Variants in ELF1 observed in about 807,000 individuals in gnomAD.
ELF1 encodes ETS-related transcription factor Elf-1.
In ELF1, 24 loss-of-function variants were observed where a neutral mutation model predicts 59.9. That is an observed-to-expected ratio of 0.40 (90% CI 0.29 to 0.56). ELF1 has a LOEUF of 0.56. Among genes scored for constraint, ELF1 ranks in the 20% least tolerant of loss-of-function variants. The pLI is 0.44. For synonymous variants in ELF1, 248 were observed against 266.2 expected (o/e 0.93, Z 0.67); for missense variants, 627 against 742.2 (o/e 0.84, Z 1.80).
At chr13:40,981,036 T>C (rs1341150660) in intron 2 of ELF1, among the ~76,000 whole-genome samples, 2 of 152,178 alleles carry the variant, frequency 1.3e-5, no homozygotes, top group African/African-American at 4.8e-5. Context: ...ATAAAAATCA[T>C]TAAATTCACT....
At chr13:41,016,269 G>C (rs1875355295) in intron 1 of ELF1, among the ~76,000 whole-genome samples, 1 of 152,138 alleles carries the variant, frequency 6.6e-6, no homozygotes, top group Non-Finnish European at 1.5e-5. Flanking sequence ...GCACCGAATT[G>C]AGTTAGGGCA....
intron 1 of ELF1, among the ~76,000 whole-genome samples, chr13:41,002,935 AAC>A (rs1396133103): frequency 1.2e-4 from 18 of 152,206 alleles, no homozygotes; most frequent in African/African-American, 3.9e-4. Flanking sequence ...TATATTAATA[AAC>A]ACAGTTTAAA....
intron 1 of ELF1, among the ~76,000 whole-genome samples, chr13:40,999,551 T>C (rs1012867056): frequency 6.6e-6 from 1 of 152,150 alleles, no homozygotes; most frequent in Non-Finnish European, 1.5e-5. Context: ...TAAAAAAAGT[T>C]GCTGGAGGTT....
At chr13:40,950,846 A>T (rs1338736855) in intron 4 of ELF1, among the ~76,000 whole-genome samples, 1 of 152,226 alleles carries the variant, frequency 6.6e-6, no homozygotes, top group African/African-American at 2.4e-5. Flanking sequence ...AACATTTTAG[A>T]CTGATTTAGC....
At chr13:41,032,728 T>C (rs1464710593) in intron 1 of ELF1, among the ~76,000 whole-genome samples, 1 of 151,888 alleles carries the variant, frequency 6.6e-6, no homozygotes, top group East Asian at 1.9e-4. Context: ...TGCAAGCCTG[T>C]AGTCCCAGCT....
At chr13:40,955,789 C>G (rs1370826106) in intron 3 of ELF1, among the ~76,000 whole-genome samples, 1 of 52,220 alleles carries the variant, frequency 1.9e-5, no homozygotes, top group Non-Finnish European at 3.3e-5. Flanking sequence ...GTCAGCCCCC[C>G]GCCCGGCCAG....
chr13:40,960,355 T>C (rs1415509914), intron 2 of ELF1, among the ~76,000 whole-genome samples: 1 of 152,216 alleles, frequency 6.6e-6, no homozygotes, highest in African/African-American at 2.4e-5. Context: ...ACAATTTCTT[T>C]TCCTTTAATC....
At chr13:41,033,887 CCAGGGATA>C (rs1446673597) in intron 1 of ELF1, among the ~76,000 whole-genome samples, 1 of 151,998 alleles carries the variant, frequency 6.6e-6, no homozygotes, top group African/African-American at 2.4e-5. Flanking sequence ...TCAGTGGTTG[CCAGGGATA>C]CAGATTTTGG....
Position 41,007,534 on chromosome 13 carries a change from C to T in ELF1, c.-229+11694G>A, listed in dbSNP as rs549422496. Among the ~76,000 whole-genome samples, 5 of 152,264 alleles carry T rather than the reference C, an allele frequency of 3.3e-5. No homozygotes were observed. The South Asian group carries it at 1.0e-3, about 32-fold the overall frequency. ...CTGGAGAAGCCAGTAACTGCCCCCTCCTGCTATTCAACTTCCCTTTTCTTA... is the reference window on the plus strand; with the variant it reads ...CTGGAGAAGCCAGTAACTGCCCCCTTCTGCTATTCAACTTCCCTTTTCTTA... On this transcript the variant is annotated intron_variant, in intron 1 of 8. Coordinates refer to ENST00000239882, the MANE Select transcript of ELF1 (RefSeq NM_172373.4).
intron 2 of ELF1, among the ~76,000 whole-genome samples, chr13:40,970,059 C>T (rs987977573): frequency 5.3e-5 from 8 of 152,090 alleles, no homozygotes; most frequent in African/African-American, 1.9e-4. Context: ...ACATTATTAC[C>T]ATTCCAAAAA....
At chr13:41,018,220 A>G (rs1419785835) in intron 1 of ELF1, among the ~76,000 whole-genome samples, 1 of 152,214 alleles carries the variant, frequency 6.6e-6, no homozygotes, top group Non-Finnish European at 1.5e-5. Flanking sequence ...TCAGAAATAA[A>G]ATACTACTGC....
At chr13:40,937,855 C>T (rs1226989546) in intron 8 of ELF1, among the ~76,000 whole-genome samples, 1 of 152,152 alleles carries the variant, frequency 6.6e-6, no homozygotes, top group Non-Finnish European at 1.5e-5. Flanking sequence ...CACTCTGTAG[C>T]CCCAGCTGGA....
chr13:41,003,942 T>C (rs1260201566), intron 1 of ELF1, among the ~76,000 whole-genome samples: 1 of 152,098 alleles, frequency 6.6e-6, no homozygotes, highest in African/African-American at 2.4e-5. Context: ...TACAATAAAA[T>C]TATTTCTTAG....
At chr13:40,960,654 A>G (rs572931346) in intron 2 of ELF1, among the ~76,000 whole-genome samples, 8 of 152,176 alleles carry the variant, frequency 5.3e-5, no homozygotes, top group African/African-American at 1.9e-4. Flanking sequence ...CCCAGGCTGG[A>G]CTCGAACTCC....
At chr13:40,996,989 G>A (rs112515592) in intron 1 of ELF1, among the ~76,000 whole-genome samples, 11 of 151,774 alleles carry the variant, frequency 7.2e-5, no homozygotes, top group Non-Finnish European at 1.3e-4. Context: ...CACTGCCACC[G>A]AATCCAGACC....
intron 1 of ELF1, among the ~76,000 whole-genome samples, chr13:40,986,670 A>G (rs1240737890): frequency 1.3e-5 from 2 of 151,972 alleles, no homozygotes; most frequent in Admixed American, 6.6e-5. Flanking sequence ...AAGCTTCCCT[A>G]ACACAGAGTC....
intron 3 of ELF1, 147 bp from the exon 4 acceptor site, chr13:40,951,583 C>A (rs912671212): frequency 6.0e-6 from 3 of 500,500 alleles, no homozygotes; most frequent in Non-Finnish European, 9.7e-6. Context: ...CAAAATCATA[C>A]CAAACCTGGC....
intron 1 of ELF1, among the ~76,000 whole-genome samples, chr13:40,998,804 A>C (rs1034160649): frequency 4.6e-5 from 7 of 152,118 alleles, no homozygotes; most frequent in African/African-American, 1.7e-4. Context: ...AAACTGTTTT[A>C]TGGAGGCCAA....
At chr13:40,983,092 G>A (rs1254063315) in intron 1 of ELF1, among the ~76,000 whole-genome samples, 1 of 151,992 alleles carries the variant, frequency 6.6e-6, no homozygotes, top group South Asian at 2.1e-4. Context: ...AAAGATGTTT[G>A]CCTATTTAAA....
Sources: allele counts gnomAD v4.1 joint callset (sites outside exome capture counted in the v4.1 genomes callset), GRCh38; gene constraint gnomAD v4.1.1; transcripts MANE v1.5; gene names NCBI Gene and HGNC (gene_info 2026-07-23, HGNC 2026-07-21).